Variants in KIAA1217 observed in about 807,000 individuals in gnomAD.
The protein encoded by KIAA1217 is sickle tail protein homolog.
KIAA1217 carries 88 observed loss-of-function variants against 163.9 expected under a neutral mutation model. The ratio of observed to expected loss-of-function variants is 0.54; its 90% CI spans 0.45 to 0.64. The LOEUF is 0.64. Among genes scored for constraint, KIAA1217 ranks in the 30% least tolerant of loss-of-function variants. The pLI is 0.00. For missense variants in KIAA1217, 2,372 were observed against 2,475.0 expected, an observed-to-expected ratio of 0.96 and a Z score of 0.88; for synonymous variants, 903 against 923.1, an observed-to-expected ratio of 0.98 and a Z score of 0.39.
chr10:24,293,371 G>A (rs1243724269), intron 2 of KIAA1217, among the ~76,000 whole-genome samples: 1 of 152,116 alleles, frequency 6.6e-6, no homozygotes, highest in African/African-American at 2.4e-5. Context: ...GCGCCTGGCT[G>A]GGAAGTCTTT....
intron 2 of KIAA1217, among the ~76,000 whole-genome samples, chr10:24,122,130 T>C (rs1314032969): frequency 6.6e-6 from 1 of 152,140 alleles, no homozygotes; most frequent in Non-Finnish European, 1.5e-5. Flanking sequence ...TAGTACCCAA[T>C]AGGAAGTTTT....
At chr10:24,235,730 GC>G (rs1245332524) in intron 2 of KIAA1217, among the ~76,000 whole-genome samples, 4 of 152,106 alleles carry the variant, frequency 2.6e-5, no homozygotes, top group African/African-American at 9.7e-5. Context: ...CAAGGCTGCT[GC>G]TGTGCTGATG....
At position 23,950,202 on chromosome 10, in the gene KIAA1217, C is replaced by A. The variant is rs571201065; in HGVS notation, c.-320-57023C>A. On this transcript the variant is annotated intron_variant, in intron 1 of 18. Coordinates refer to the KIAA1217 transcript ENST00000376462. ...AATCATGGCAGTGATCCAGCCTCTGCCTATAAAGTTTGGGGATTTCTTCCC... is the reference window on the plus strand; with the variant it reads ...AATCATGGCAGTGATCCAGCCTCTGACTATAAAGTTTGGGGATTTCTTCCC... 3.7e-4 allele frequency among the ~76,000 whole-genome samples: 57 copies of A among 152,212 alleles called. No individual in the cohort carries two copies. The South Asian group carries it at 0.011, about 30-fold the overall frequency.
intron 2 of KIAA1217, among the ~76,000 whole-genome samples, chr10:24,196,253 C>T (rs980505954): frequency 5.9e-5 from 9 of 151,908 alleles, no homozygotes; most frequent in Admixed American, 2.0e-4. Context: ...CTGTGTTTTC[C>T]CTGGCAACCC....
Position 23,789,902 on chromosome 10 carries a change from T to C in KIAA1217, c.-321+94668T>C, listed in dbSNP as rs79338213. Among the ~76,000 whole-genome samples, 353 of 142,180 alleles carry C rather than the reference T, an allele frequency of 2.5e-3. 25 individuals carry two copies. Among genetic ancestry groups the C allele is most frequent in the African/African-American group, 9.5e-3 (332 of 34,970 alleles). 93.3% of individuals were successfully genotyped at this position (142,180 alleles called of 152,430 possible). On this transcript the variant is annotated intron_variant, in intron 1 of 18. Coordinates refer to the KIAA1217 transcript ENST00000376462. The stretch of plus-strand genomic sequence containing the variant: ...ATATATATATCATATATATGATATA[T>C]ACATATACATATGCATATACATGTA...
At chr10:24,513,118 TC>T (rs2069474265) in intron 9 of KIAA1217, 140 bp from the exon 10 acceptor site, 4 of 781,306 alleles carry the variant, frequency 5.1e-6, no homozygotes, top group African/African-American at 1.7e-5. Context: ...CAGTCTTTGC[TC>T]CCTTTCCTTT....
chr10:24,430,053 G>A (rs2059472192), intron 3 of KIAA1217, among the ~76,000 whole-genome samples: 1 of 152,150 alleles, frequency 6.6e-6, no homozygotes, highest in Admixed American at 6.5e-5. Flanking sequence ...GGCTGAGGTG[G>A]GAGGATAGCT....
chr10:24,515,288 A>C (rs2069911482), intron 10 of KIAA1217, among the ~76,000 whole-genome samples: 1 of 152,070 alleles, frequency 6.6e-6, no homozygotes, highest in African/African-American at 2.4e-5. Context: ...GGCTGGTCTC[A>C]AACTCCTGAC....
intron 10 of KIAA1217, among the ~76,000 whole-genome samples, chr10:24,518,620 T>C (rs968513731): frequency 6.6e-6 from 1 of 152,200 alleles, no homozygotes; most frequent in Admixed American, 6.5e-5. Context: ...GACTGGACCC[T>C]GTGTCCAGTC....
At chr10:24,367,125 A>G in intron 2 of KIAA1217, 4 of 984,986 alleles carry the variant, frequency 4.1e-6, no homozygotes, top group Non-Finnish European at 4.8e-6. Flanking sequence ...ACAGGCTTTG[A>G]AGGGCATGCT....
At chr10:23,894,524 A>T (rs1173764710) in intron 1 of KIAA1217, among the ~76,000 whole-genome samples, 1 of 150,172 alleles carries the variant, frequency 6.7e-6, no homozygotes, top group African/African-American at 2.4e-5. Context: ...TTCCATGCTC[A>T]TGGGTAGGAA....
chr10:24,228,901 AG>A (rs1164055293), intron 2 of KIAA1217, among the ~76,000 whole-genome samples: 4 of 152,354 alleles, frequency 2.6e-5, no homozygotes, highest in African/African-American at 9.6e-5. Context: ...CCTATCTGTA[AG>A]TAATGGCATC....
At chr10:23,707,599 G>A (rs1307991908) in intron 1 of KIAA1217, among the ~76,000 whole-genome samples, 1 of 152,136 alleles carries the variant, frequency 6.6e-6, no homozygotes, top group Non-Finnish European at 1.5e-5. Flanking sequence ...ATGGGAGGGT[G>A]TGAGGGTTGA....
intron 1 of KIAA1217, among the ~76,000 whole-genome samples, chr10:23,883,887 T>C (rs905249823): frequency 1.3e-5 from 2 of 151,982 alleles, no homozygotes; most frequent in African/African-American, 4.8e-5. Flanking sequence ...TGTCTCTGAC[T>C]GGCTTCTTTC....
chr10:24,134,579 A>T (rs1394931709), intron 2 of KIAA1217, among the ~76,000 whole-genome samples: 1 of 151,968 alleles, frequency 6.6e-6, no homozygotes, highest in Admixed American at 6.6e-5. Context: ...GGTATTAATT[A>T]ATTTATTTTT....
At chr10:24,536,988 C>G (rs1177021709) in intron 17 of KIAA1217, 95 bp downstream of exon 17, 1 of 1,432,740 alleles carries the variant, frequency 7.0e-7, no homozygotes, top group African/African-American at 1.4e-5. Flanking sequence ...TTTGTCCCCT[C>G]TGTCTTTTTT....
chr10:24,363,062 C>T (rs2050240086), intron 2 of KIAA1217, among the ~76,000 whole-genome samples: 1 of 152,160 alleles, frequency 6.6e-6, no homozygotes, highest in African/African-American at 2.4e-5. Flanking sequence ...ATCAACAATT[C>T]ACTTTTTCCC....
At chr10:23,987,174 G>C (rs984913092) in intron 1 of KIAA1217, among the ~76,000 whole-genome samples, 1 of 151,844 alleles carries the variant, frequency 6.6e-6, no homozygotes, top group Non-Finnish European at 1.5e-5. Flanking sequence ...TCAGGAGATC[G>C]AGACCATCCG....
At chr10:23,719,006 C>T (rs537441037) in intron 1 of KIAA1217, among the ~76,000 whole-genome samples, 1 of 152,244 alleles carries the variant, frequency 6.6e-6, no homozygotes, top group African/African-American at 2.4e-5. Context: ...AGAAAGCATC[C>T]TTAAACATGG....
Sources: allele counts gnomAD v4.1 joint callset (sites outside exome capture counted in the v4.1 genomes callset), GRCh38; gene constraint gnomAD v4.1.1; transcripts MANE v1.5; gene names NCBI Gene and HGNC (gene_info 2026-07-23, HGNC 2026-07-21).